The following CTNNA3 variants were observed in gnomAD, a reference collection of about 807,000 sequenced individuals.
The protein encoded by CTNNA3 is catenin alpha-3.
Under a neutral mutation model 95.7 loss-of-function variants are expected in CTNNA3, and 76 were observed. That is an observed-to-expected ratio of 0.79 (90% confidence interval 0.66 to 0.96). The LOEUF is 0.96. CTNNA3 is among the 40% of genes least tolerant of loss of function. CTNNA3 has a pLI of 0.00. For synonymous variants in CTNNA3, 431 were observed against 374.4 expected (o/e 1.15, Z -1.74); for missense variants, 1,191 against 1,089.8 (o/e 1.09, Z -1.31).
chr10:67,726,601 C>A (rs1271782654), intron 1 of CTNNA3, among the ~76,000 whole-genome samples: 3 of 22,384 alleles, frequency 1.3e-4, no homozygotes, highest in South Asian at 2.1e-3. Context: ...TATTATATTA[C>A]ATATTATATA....
intron 15 of CTNNA3, among the ~76,000 whole-genome samples, chr10:65,998,358 C>A (rs1295570032): frequency 6.6e-6 from 1 of 151,986 alleles, no homozygotes; most frequent in East Asian, 1.9e-4. Context: ...GATAAGGGGA[C>A]ATTTTTCTAT....
chr10:66,311,788 T>A (rs1019542524), intron 12 of CTNNA3, among the ~76,000 whole-genome samples: 11 of 152,162 alleles, frequency 7.2e-5, no homozygotes, highest in Non-Finnish European at 1.5e-4. Flanking sequence ...GAAAATAATT[T>A]TTTTTACGTT....
intron 9 of CTNNA3, among the ~76,000 whole-genome samples, chr10:66,756,173 G>T (rs1475900117): frequency 6.6e-6 from 1 of 152,040 alleles, no homozygotes; most frequent in Non-Finnish European, 1.5e-5. Flanking sequence ...CCAATAGCTG[G>T]AATAAAATAA....
At chr10:66,063,414 C>A (rs920898931) in intron 15 of CTNNA3, among the ~76,000 whole-genome samples, 8 of 150,782 alleles carry the variant, frequency 5.3e-5, no homozygotes, top group Admixed American at 2.0e-4. Flanking sequence ...CTGAAGGCTT[C>A]TCATATTCCA....
chr10:66,188,690 C>T (rs1232405091), intron 13 of CTNNA3, among the ~76,000 whole-genome samples: 2 of 150,540 alleles, frequency 1.3e-5, no homozygotes, highest in African/African-American at 4.9e-5. Flanking sequence ...CATATCATGG[C>T]TATTGTAAAT....
rs933117810 is a variant in CTNNA3, at chr10:66,127,293, A to C, written c.1885-24044T>G. ...TCTCAAAAAAAAAAAAAAAAAAAAA[A>C]GGGAAATAAACTTTATAGTGTAGAT... On this transcript the variant is annotated intron_variant, in intron 13 of 17. Coordinates refer to ENST00000433211, the MANE Select transcript of CTNNA3 (RefSeq NM_013266.4). Among the ~76,000 whole-genome samples, 3 of 144,146 alleles carry C rather than the reference A, an allele frequency of 2.1e-5. No homozygotes were observed. The East Asian group carries it at 6.1e-4, about 29-fold the overall frequency. The allele number at this position is 144,146 out of a possible 152,430, so 94.6% of individuals were successfully genotyped here.
At chr10:67,185,492 A>AT (rs1862795720) in intron 6 of CTNNA3, among the ~76,000 whole-genome samples, 1 of 152,090 alleles carries the variant, frequency 6.6e-6, no homozygotes, top group African/African-American at 2.4e-5. Context: ...GGGCAAAAAA[A>AT]TTTTTAAAAA....
At chr10:66,641,075 G>A (rs1228816392) in intron 9 of CTNNA3, among the ~76,000 whole-genome samples, 1 of 152,138 alleles carries the variant, frequency 6.6e-6, no homozygotes, top group Non-Finnish European at 1.5e-5. Flanking sequence ...ATGTATATAT[G>A]TAGTAGAGTG....
chr10:66,703,801 C>A (rs1178218534), intron 9 of CTNNA3, among the ~76,000 whole-genome samples: 3 of 152,112 alleles, frequency 2.0e-5, no homozygotes, highest in Admixed American at 6.6e-5. Flanking sequence ...CTTTCTGGGG[C>A]AACAGTACCA....
intron 7 of CTNNA3, chr10:67,015,531 C>T (rs977697457): frequency 6.6e-6 from 1 of 152,090 alleles, no homozygotes; most frequent in African/African-American, 2.4e-5. Context: ...GAAAGCCAAC[C>T]TTTATTCTCC....
intron 7 of CTNNA3, among the ~76,000 whole-genome samples, chr10:67,137,268 T>A (rs370432987): frequency 6.6e-6 from 1 of 151,292 alleles, no homozygotes; most frequent in Non-Finnish European, 1.5e-5. Flanking sequence ...TGTTTATATA[T>A]TGTTTTTGTC....
chr10:66,794,961 A>C (rs1169009008), intron 7 of CTNNA3, among the ~76,000 whole-genome samples: 1 of 152,154 alleles, frequency 6.6e-6, no homozygotes, highest in African/African-American at 2.4e-5. Flanking sequence ...TAATTCAGTC[A>C]CATCTTCAGG....
At chr10:67,172,541 T>C (rs1862063873) in intron 7 of CTNNA3, among the ~76,000 whole-genome samples, 1 of 152,150 alleles carries the variant, frequency 6.6e-6, no homozygotes. Flanking sequence ...GTATAATACA[T>C]ACATATATAT....
chr10:66,479,533 A>T (rs926832978), intron 11 of CTNNA3, among the ~76,000 whole-genome samples: 12 of 152,084 alleles, frequency 7.9e-5, no homozygotes, highest in African/African-American at 2.9e-4. Context: ...TAATCATATA[A>T]CATGGTCTAT....
intron 5 of CTNNA3, among the ~76,000 whole-genome samples, chr10:67,503,986 T>G (rs189510956): frequency 0.014 from 2,077 of 149,906 alleles, 34 homozygotes; most frequent in Admixed American, 0.056. Context: ...TGAAACCCCG[T>G]CTCTACTAAA....
At chr10:66,947,990 G>A (rs1848359071) in intron 7 of CTNNA3, among the ~76,000 whole-genome samples, 1 of 152,210 alleles carries the variant, frequency 6.6e-6, no homozygotes, top group African/African-American at 2.4e-5. Flanking sequence ...GAACTTACTT[G>A]TATAGCAAGT....
chr10:67,524,219 C>T (rs1289932487), intron 4 of CTNNA3, among the ~76,000 whole-genome samples: 11 of 151,844 alleles, frequency 7.2e-5, no homozygotes, highest in Non-Finnish European at 2.9e-5. Flanking sequence ...CTGGCTAACA[C>T]GGTGAAACCC....
At position 67,043,299 on chromosome 10, in the gene CTNNA3, C is replaced by T. The variant is rs369275425; in HGVS notation, c.1047+137018G>A. 2.0e-5 allele frequency among the ~76,000 whole-genome samples: 3 copies of T among 151,984 alleles called. No individual in the cohort carries two copies. The East Asian group carries it at 5.8e-4, about 29-fold the overall frequency. On this transcript the variant is annotated intron_variant, in intron 7 of 17. Coordinates refer to ENST00000433211, the MANE Select transcript of CTNNA3 (RefSeq NM_013266.4). The stretch of plus-strand genomic sequence containing the variant: ...GAGGGTTCTACATCATTCATATATT[C>T]TCTGATCACTAGAGATTTATTCTCC...
chr10:67,535,465 T>TAA (rs11383483), intron 4 of CTNNA3, among the ~76,000 whole-genome samples: 1 of 151,574 alleles, frequency 6.6e-6, no homozygotes, highest in African/African-American at 2.4e-5. Context: ...TTTACATAAT[T>TAA]AAAAAAAAGA....
Sources: allele counts gnomAD v4.1 joint callset (sites outside exome capture counted in the v4.1 genomes callset), GRCh38; gene constraint gnomAD v4.1.1; transcripts MANE v1.5; gene names NCBI Gene and HGNC (gene_info 2026-07-23, HGNC 2026-07-21).